The following LRPPRC variants were observed in gnomAD, a reference collection of about 807,000 sequenced individuals.
The protein encoded by LRPPRC is leucine-rich PPR motif-containing protein, mitochondrial.
Under a neutral mutation model 180.3 loss-of-function variants are expected in LRPPRC, and 120 were observed. That is an observed-to-expected ratio of 0.67 (90% CI 0.57 to 0.77). LRPPRC has a LOEUF of 0.77. Ranked by LOEUF, LRPPRC falls within the 30% of genes least tolerant of loss-of-function variation. The pLI, the probability that LRPPRC is intolerant of heterozygous loss-of-function variation, is 0.00. For missense variants in LRPPRC, 2,012 were observed against 1,657.2 expected (o/e 1.21, Z -3.72); for synonymous variants, 723 against 600.0 (o/e 1.21, Z -3.00).
Position 43,925,154 on chromosome 2 carries a change from C to G in LRPPRC, c.2809G>C (p.Glu937Gln), listed in dbSNP as rs1558949889. 1 of 1,546,206 alleles carries G rather than the reference C, an allele frequency of 6.5e-7. No individual in the cohort carries two copies. The highest frequency in any genetic ancestry group is 8.9e-7 in the Non-Finnish European group (1 of 1,118,310). The change falls in exon 27 of 38, where the codon GAA becomes CAA. Residue 937 changes from glutamate (E) to glutamine (Q), a missense_variant. Physicochemically the swap from Glu to Gln is conservative, Grantham distance 29 (BLOSUM62 2). Transcript: ENST00000260665. ...AGCTCCACTAATTTTTCCAGAGTTT[C>G]AACCTTAAAAGTAAGATTAAGAGAT... is the stretch of plus-strand genomic sequence containing the variant. ...CDRCVANNQV[E>Q]TLEKLVELTQ...
chr2:43,948,179 A>C lies in LRPPRC; in HGVS notation c.1863T>G (p.Asn621Lys), dbSNP rs762224854. The part of the protein sequence containing the change: ...LEKMNVKIPE[N>K]IYRGIRNLLE... ...GGAGATTACGAATGCCTCTGTAGATATTTTCAGGAATTTTTACATTCTGTG... is the reference window on the plus strand; with the variant it reads ...GGAGATTACGAATGCCTCTGTAGATCTTTTCAGGAATTTTTACATTCTGTG... Residue 621 changes from asparagine to lysine, a missense_variant, in exon 18 of 38, where the codon AAT (asparagine) becomes AAG (lysine). Coordinates refer to ENST00000260665, the MANE Select transcript of LRPPRC (RefSeq NM_133259.4). The C allele has an allele frequency of 5.0e-6, 8 of 1,602,600 alleles. No individual in the cohort carries two copies. Among genetic ancestry groups the C allele is most frequent in the Non-Finnish European group, 6.0e-6 (7 of 1,169,642 alleles).
intron 26 of LRPPRC, 118 bp from the exon 27 acceptor site, chr2:43,925,275 T>C (rs893058125): frequency 1.4e-6 from 1 of 739,342 alleles, no homozygotes; most frequent in South Asian, 1.4e-5. Context: ...TTGAACTTCA[T>C]TTCAAAAGTT....
At chr2:43,944,253 C>T (rs551653346) in intron 22 of LRPPRC, among the ~76,000 whole-genome samples, 184 of 152,056 alleles carry the variant, frequency 1.2e-3, no homozygotes, top group Non-Finnish European at 2.3e-3. Flanking sequence ...GATGGCTTGT[C>T]AGGAGGCCAG....
intron 25 of LRPPRC, among the ~76,000 whole-genome samples, chr2:43,926,358 G>A (rs1369911816): frequency 6.6e-6 from 1 of 152,094 alleles, no homozygotes; most frequent in Admixed American, 6.6e-5. Context: ...CAAATAAAAA[G>A]TGTGTGTCAA....
At chr2:43,934,441 T>C in intron 24 of LRPPRC, 145 bp from the exon 25 acceptor site, 1 of 619,212 alleles carries the variant, frequency 1.6e-6, no homozygotes, top group South Asian at 2.1e-5. Flanking sequence ...CTATATCGAC[T>C]AATTAAGTAC....
intron 23 of LRPPRC, among the ~76,000 whole-genome samples, chr2:43,942,662 T>G (rs943988842): frequency 2.0e-5 from 3 of 152,030 alleles, no homozygotes; most frequent in African/African-American, 7.2e-5. Flanking sequence ...CTCTAATAAA[T>G]AAAGAAAAAC....
chr2:43,961,214 T>C (rs1160828716), intron 12 of LRPPRC, among the ~76,000 whole-genome samples: 1 of 152,176 alleles, frequency 6.6e-6, no homozygotes, highest in African/African-American at 2.4e-5. Context: ...AATACTGTTA[T>C]GAAAAGGTGT....
intron 27 of LRPPRC, among the ~76,000 whole-genome samples, chr2:43,924,273 G>A (rs542848174): frequency 1.3e-5 from 2 of 152,104 alleles, no homozygotes; most frequent in Admixed American, 6.5e-5. Flanking sequence ...CCTCTCTACC[G>A]AAATATCCTA....
intron 35 of LRPPRC, chr2:43,896,218 CTTTCTTTTTTTT>C (rs1375593967): frequency 1.7e-5 from 1 of 59,568 alleles, no homozygotes; most frequent in African/African-American, 7.9e-5. Context: ...TTCTTTCTTT[CTTTCTTTTTTTT>C]TTTTTTTTTT....
chr2:43,888,638 C>T lies in LRPPRC; in HGVS notation c.4147G>A (p.Ala1383Thr). Residue 1383 changes from alanine to threonine, a missense_variant, in exon 38 of 38, where the codon GCA becomes ACA. Physicochemically the swap from Ala to Thr is moderately conservative, Grantham distance 58. Coordinates refer to ENST00000260665, the MANE Select transcript of LRPPRC (RefSeq NM_133259.4). The part of the protein sequence containing the change: ...IEPPESFEFY[A>T]QQLRKLRENS... ...TCCCTCAATTTTCTTAGCTGCTGTG[C>T]ATAAAATTCAAAGCTTTCCTGTTAA... 6.3e-7 allele frequency: 1 copy of T among 1,599,126 alleles called. No homozygotes were observed. Among genetic ancestry groups the T allele is most frequent in the Non-Finnish European group, 8.6e-7 (1 of 1,166,700 alleles).
intron 27 of LRPPRC, among the ~76,000 whole-genome samples, chr2:43,923,315 C>T (rs1436080976): frequency 6.6e-6 from 1 of 150,976 alleles, no homozygotes. Flanking sequence ...CCCGTCTCCA[C>T]AAAAAGTTAA....
intron 23 of LRPPRC, among the ~76,000 whole-genome samples, chr2:43,935,872 G>C (rs1672257127): frequency 1.3e-5 from 2 of 152,138 alleles, no homozygotes; most frequent in Non-Finnish European, 2.9e-5. Flanking sequence ...CAGCACTTTG[G>C]GAGGCCAAGG....
intron 25 of LRPPRC, among the ~76,000 whole-genome samples, chr2:43,929,095 T>C (rs1332341847): frequency 6.6e-6 from 1 of 152,222 alleles, no homozygotes; most frequent in Non-Finnish European, 1.5e-5. Context: ...CGTAAGTTTA[T>C]GACATCTTTT....
At chr2:43,890,135 C>A (rs896311579) in intron 36 of LRPPRC, 1 of 510,460 alleles carries the variant, frequency 2.0e-6, no homozygotes, top group Non-Finnish European at 3.6e-6. Flanking sequence ...AATATTGATA[C>A]CATTCACTTA....
chr2:43,974,980 A>T (rs2103716417), intron 7 of LRPPRC, 111 bp downstream of exon 7: 1 of 1,185,418 alleles, frequency 8.4e-7, no homozygotes, highest in African/African-American at 1.5e-5. Flanking sequence ...ACTTTCTGCA[A>T]GGAAACATCT....
intron 27 of LRPPRC, among the ~76,000 whole-genome samples, chr2:43,921,853 G>A (rs1184300218): frequency 2.0e-5 from 3 of 152,080 alleles, no homozygotes; most frequent in Non-Finnish European, 2.9e-5. Flanking sequence ...TTACTGAGAC[G>A]GAATAAATGC....
At chr2:43,934,110 T>G in intron 25 of LRPPRC, 80 bp downstream of exon 25, 1 of 801,738 alleles carries the variant, frequency 1.2e-6, no homozygotes, top group Non-Finnish European at 2.2e-6. Flanking sequence ...CAAGTGTAAT[T>G]AAAGGTTAAA....
chr2:43,947,773 A>C lies in LRPPRC; in HGVS notation c.1923T>G (p.Asp641Glu). Residue 641 changes from aspartate to glutamate, a missense_variant and splice_region_variant, in exon 19 of 38, where the codon GAT becomes GAG. By Grantham distance (45) the Asp-to-Glu change is conservative. Transcript: ENST00000260665. ...TCTTACTCTCAACCAACAAGTGAGCATCCTAAAATTGAAATTTAAATTAGC... is the reference window on the plus strand; with the variant it reads ...TCTTACTCTCAACCAACAAGTGAGCCTCCTAAAATTGAAATTTAAATTAGC... ...ESYHVPELIK[D>E]AHLLVESKNL... 1 of 1,586,722 alleles carries C rather than the reference A, an allele frequency of 6.3e-7. No individual in the cohort carries two copies. Among genetic ancestry groups the C allele is most frequent in the Non-Finnish European group, 8.7e-7 (1 of 1,155,264 alleles).
chr2:43,904,703 AAAACAAAAAAAAAAAAC>A (rs1671006590), intron 31 of LRPPRC: 4 of 96,396 alleles, frequency 4.1e-5, no homozygotes, highest in Non-Finnish European at 6.3e-5. Context: ...AAAAAAAACA[AAAACAAAAAAAAAAAAC>A]AAAACAAAAA....
Sources: allele counts gnomAD v4.1 joint callset (sites outside exome capture counted in the v4.1 genomes callset), GRCh38; gene constraint gnomAD v4.1.1; transcripts MANE v1.5; gene names NCBI Gene and HGNC (gene_info 2026-07-23, HGNC 2026-07-21).